Variants in CETP observed in about 807,000 individuals in gnomAD.
CETP encodes the protein cholesteryl ester transfer protein, also known as BPI fold containing family F.
Under a neutral mutation model 66.5 loss-of-function variants are expected in CETP, and 56 were observed. The observed-to-expected ratio is 0.84, with a 90% CI of 0.68 to 1.05. The LOEUF (loss-of-function observed/expected upper bound fraction) is 1.05. Ranked by LOEUF, CETP falls within the 50% of genes least tolerant of loss-of-function variation. The pLI is 0.00. For synonymous variants in CETP, 251 were observed against 245.7 expected (o/e 1.02, Z -0.20); for missense variants, 612 against 609.6 (o/e 1.00, Z -0.04).
intron 6 of CETP, 93 bp downstream of exon 6, chr16:56,971,195 C>A: frequency 6.7e-7 from 1 of 1,487,448 alleles, no homozygotes; most frequent in South Asian, 1.1e-5. Flanking sequence ...AGGTGCCACT[C>A]CCACCTTCTC....
chr16:56,972,111 GC>G (rs1206062348), intron 8 of CETP, 28 bp downstream of exon 8: 2 of 1,566,302 alleles, frequency 1.3e-6, no homozygotes, highest in Non-Finnish European at 1.8e-6. Flanking sequence ...GTGGGGCAGG[GC>G]CCAGCTTCCC....
At chr16:56,974,661 ACT>A (rs2142001420) in intron 9 of CETP, among the ~76,000 whole-genome samples, 1 of 152,344 alleles carries the variant, frequency 6.6e-6, no homozygotes, top group South Asian at 2.1e-4. Flanking sequence ...TGAAATAAGT[ACT>A]GTTACCTCTG....
At chr16:56,983,439 CCT>C (rs761282123) in intron 15 of CETP, 28 bp downstream of exon 15, 1 of 1,611,120 alleles carries the variant, frequency 6.2e-7, no homozygotes, top group Non-Finnish European at 8.5e-7. Context: ...CTCACCAGCC[CCT>C]GTTCCTGGGG....
At chr16:56,964,238 G>A (rs1446712051) in intron 2 of CETP, among the ~76,000 whole-genome samples, 8 of 151,242 alleles carry the variant, frequency 5.3e-5, no homozygotes, top group Non-Finnish European at 5.9e-5. Flanking sequence ...TGTTGACCTG[G>A]TTGGTCTTAA....
intron 11 of CETP, 44 bp from the exon 12 acceptor site, chr16:56,981,114 C>A: frequency 6.9e-7 from 1 of 1,447,978 alleles, no homozygotes. Context: ...CTCTCTGCTT[C>A]GGGAAGAGCC....
intron 5 of CETP, among the ~76,000 whole-genome samples, chr16:56,970,700 G>C (rs2056103265): frequency 6.6e-6 from 1 of 152,190 alleles, no homozygotes; most frequent in South Asian, 2.1e-4. Flanking sequence ...TGGTGGGTGG[G>C]GTCTGGAGAG....
chr16:56,964,137 C>T (rs1261724605), intron 2 of CETP, among the ~76,000 whole-genome samples: 1 of 151,850 alleles, frequency 6.6e-6, no homozygotes, highest in Admixed American at 6.6e-5. Flanking sequence ...AGACGTTCTC[C>T]TGCCTCAGCC....
chr16:56,962,479 C>T (rs1596992958), intron 1 of CETP: 1 of 452,286 alleles, frequency 2.2e-6, no homozygotes, highest in East Asian at 5.6e-5. Flanking sequence ...TGGCCAAAGT[C>T]AGGGGTTGCC....
At chr16:56,965,305 T>C (rs2056058305) in intron 2 of CETP, among the ~76,000 whole-genome samples, 1 of 152,192 alleles carries the variant, frequency 6.6e-6, no homozygotes, top group Admixed American at 6.5e-5. Context: ...TGATTGGCCA[T>C]AACTATGATT....
intron 1 of CETP, among the ~76,000 whole-genome samples, chr16:56,962,750 C>T (rs755199017): frequency 2.6e-5 from 4 of 152,008 alleles, no homozygotes; most frequent in Non-Finnish European, 4.4e-5. Context: ...TTGCTAGGAT[C>T]GTGGGGTTCC....
intron 4 of CETP, 87 bp downstream of exon 4, chr16:56,969,768 T>C (rs1301258529): frequency 1.3e-6 from 2 of 1,572,262 alleles, no homozygotes; most frequent in Middle Eastern, 1.7e-4. Flanking sequence ...GGCAGAGGGT[T>C]CTGGGGCCAC....
At chr16:56,982,785 A>C (rs1229732563) in intron 14 of CETP, among the ~76,000 whole-genome samples, 1 of 152,134 alleles carries the variant, frequency 6.6e-6, no homozygotes, top group Non-Finnish European at 1.5e-5. Flanking sequence ...TGTTGAGCTG[A>C]CTGTGCTTTC....
chr16:56,967,654 CAA>C (rs766914734), intron 2 of CETP, among the ~76,000 whole-genome samples: 10 of 61,808 alleles, frequency 1.6e-4, no homozygotes, highest in African/African-American at 1.9e-4. Context: ...GACTCAGTCT[CAA>C]AAAAAAAAAA....
At position 56,971,367 on chromosome 16, in the gene CETP, T is replaced by A. The variant is rs766881417; in HGVS notation, c.644T>A (p.Val215Asp). The A allele has an allele frequency of 1.1e-5, 17 of 1,613,902 alleles. No individual in the cohort carries two copies. In the South Asian group the frequency reaches 1.9e-4, roughly 18 times the overall value. The change falls in exon 7 of 16, where the codon GTC becomes GAC. Residue 215 changes from valine to aspartate, a missense_variant. Coordinates refer to ENST00000200676, the MANE Select transcript of CETP (RefSeq NM_000078.3). ...ATCTCTAACATCATGGCCGATTTTG[T>A]CCAGACAAGGGCTGGTGAGTGCGTT... ...NVISNIMADFVQTRAASILSD... is the reference protein window; with the variant it reads ...NVISNIMADFDQTRAASILSD...
chr16:56,972,577 C>T (rs1051027871), intron 8 of CETP, among the ~76,000 whole-genome samples: 5 of 152,256 alleles, frequency 3.3e-5, no homozygotes, highest in Non-Finnish European at 4.4e-5. Flanking sequence ...CAGGCCCCTT[C>T]CACGTGTTCT....
intron 2 of CETP, among the ~76,000 whole-genome samples, chr16:56,969,045 G>A (rs549726329): frequency 2.6e-5 from 4 of 151,726 alleles, no homozygotes; most frequent in South Asian, 2.1e-4. Flanking sequence ...CTCTCCGGGC[G>A]TTCTTCCCTG....
In CETP at chr16:56,974,074, C is replaced by T. The variant is rs2056132860; in HGVS notation, c.930+564C>T. 2.0e-5 allele frequency among the ~76,000 whole-genome samples: 3 copies of T among 152,280 alleles called. No homozygotes were observed. In the South Asian group the frequency reaches 6.2e-4, roughly 32 times the overall value. On this transcript the variant is annotated intron_variant, in intron 9 of 15. Coordinates refer to ENST00000200676, the MANE Select transcript of CETP (RefSeq NM_000078.3). The stretch of plus-strand genomic sequence containing the variant: ...GGTCAGGTAGGCCCAGGCCTGGTTT[C>T]GGGTCTGGTTCCTTGGTTTCGGGTC...
intron 7 of CETP, 134 bp from the exon 8 acceptor site, chr16:56,971,858 C>T (rs544636274): frequency 4.4e-5 from 35 of 795,590 alleles, no homozygotes; most frequent in East Asian, 9.9e-5. Context: ...CACCCCTCCC[C>T]GCACACCCAG....
At chr16:56,975,993 C>T (rs1299596901) in intron 10 of CETP, among the ~76,000 whole-genome samples, 1 of 152,242 alleles carries the variant, frequency 6.6e-6, no homozygotes, top group Non-Finnish European at 1.5e-5. Flanking sequence ...GAACTCAGGC[C>T]GTCCAGCCTT....
Sources: allele counts gnomAD v4.1 joint callset (sites outside exome capture counted in the v4.1 genomes callset), GRCh38; gene constraint gnomAD v4.1.1; transcripts MANE v1.5; gene names NCBI Gene and HGNC (gene_info 2026-07-23, HGNC 2026-07-21).